Variants in ANO7 observed in about 807,000 individuals in gnomAD.
ANO7 encodes anoctamin-7.
ANO7 carries 114 observed loss-of-function variants against 115.8 expected under a neutral mutation model. That is an observed-to-expected ratio of 0.98 (90% CI 0.85 to 1.15). The LOEUF is 1.15. Ranked by LOEUF, ANO7 falls within the 50% of genes most tolerant of loss-of-function variation. The pLI, the probability that ANO7 is intolerant of heterozygous loss-of-function variation, is 0.00. For missense variants in ANO7, 1,302 were observed against 1,201.2 expected (o/e 1.08, Z -1.24); for synonymous variants, 550 against 498.2 (o/e 1.10, Z -1.38).
At chr2:241,191,091 A>C in intron 2 of ANO7, 103 bp from the exon 3 acceptor site, 1 of 1,272,236 alleles carries the variant, frequency 7.9e-7, no homozygotes, top group Non-Finnish European at 1.1e-6. Context: ...CAGGGCGGGG[A>C]CGGGTTGGAG....
intron 3 of ANO7, among the ~76,000 whole-genome samples, chr2:241,195,430 C>G (rs1301447784): frequency 6.6e-6 from 1 of 152,182 alleles, no homozygotes; most frequent in Admixed American, 6.5e-5. Flanking sequence ...CAGGGATGAG[C>G]ACCATAGCAG....
the ANO7 span, among the ~76,000 whole-genome samples, chr2:241,231,791 T>C: frequency 4.6e-5 from 7 of 151,930 alleles, no homozygotes; most frequent in African/African-American, 7.3e-5. Context: ...GTTCAGGGCA[T>C]AGAGAAGGAA....
intron 21 of ANO7, among the ~76,000 whole-genome samples, chr2:241,222,756 G>C (rs2037655459): frequency 6.6e-6 from 1 of 152,148 alleles, no homozygotes; most frequent in African/African-American, 2.4e-5. Context: ...GCTTATGATA[G>C]GGAGGGAGGG....
intron 19 of ANO7, 187 bp from the exon 20 acceptor site, chr2:241,217,499 A>T: frequency 1.5e-6 from 1 of 646,324 alleles, no homozygotes; most frequent in Non-Finnish European, 2.6e-6. Flanking sequence ...AGCCGGCCTG[A>T]GGCCGGTCAG....
chr2:241,217,483 C>T (rs1242330920), intron 19 of ANO7: 2 of 602,440 alleles, frequency 3.3e-6, no homozygotes, highest in African/African-American at 1.9e-5. Flanking sequence ...GAGCGCAGGG[C>T]AGGACAGCCG....
At chr2:241,236,726 A>G in the ANO7 span, 32 of 1,613,968 alleles carry the variant, frequency 2.0e-5, 1 homozygote, top group South Asian at 3.2e-4. Flanking sequence ...TCCCCTCCCC[A>G]GCTTCGTCCC....
chr2:241,205,083 G>C (rs2068558888), intron 10 of ANO7, 128 bp downstream of exon 10: 1 of 736,468 alleles, frequency 1.4e-6, no homozygotes, highest in Non-Finnish European at 2.3e-6. Flanking sequence ...GGTGTGAGGT[G>C]AGCACATGCC....
chr2:241,218,480 G>A, intron 21 of ANO7, 99 bp downstream of exon 21: 2 of 1,137,766 alleles, frequency 1.8e-6, no homozygotes. Flanking sequence ...AGCCGGGAGG[G>A]GCGGGCGCCG....
Position 241,202,180 on chromosome 2 carries a change from C to T in ANO7, c.613-14C>T. The T allele has an allele frequency of 6.2e-7, 1 of 1,610,610 alleles. No individual in the cohort carries two copies. Among genetic ancestry groups the T allele is most frequent in the South Asian group, 1.1e-5 (1 of 90,994 alleles). ...GTGACAAGTGACCTGCGCCATCCTCCACATCCCCTGCAGCTGTTTGAGATC... is the reference window on the plus strand; with the variant it reads ...GTGACAAGTGACCTGCGCCATCCTCTACATCCCCTGCAGCTGTTTGAGATC... On this transcript the variant is annotated splice_polypyrimidine_tract_variant and intron_variant, in intron 7 of 24. Coordinates refer to ENST00000674324, the MANE Select transcript of ANO7 (RefSeq NM_001370694.2).
the ANO7 span, chr2:241,236,486 G>A: frequency 3.3e-6 from 3 of 911,164 alleles, no homozygotes; most frequent in East Asian, 4.8e-5. Flanking sequence ...CACACGGTAG[G>A]AGCAAGAGGG....
intron 4 of ANO7, among the ~76,000 whole-genome samples, chr2:241,197,840 G>A (rs545860205): frequency 7.8e-4 from 118 of 152,004 alleles, no homozygotes; most frequent in African/African-American, 2.5e-3. Context: ...TAGTAGAGGC[G>A]GGGTTACCCT....
intron 4 of ANO7, among the ~76,000 whole-genome samples, chr2:241,197,026 C>T (rs1361154918): frequency 1.3e-5 from 2 of 152,214 alleles, no homozygotes; most frequent in Admixed American, 6.5e-5. Context: ...CTTCTCAACA[C>T]TTGATACTGC....
chr2:241,202,373 C>G, intron 8 of ANO7, 69 bp downstream of exon 8: 4 of 1,451,866 alleles, frequency 2.8e-6, no homozygotes, highest in Non-Finnish European at 3.8e-6. Flanking sequence ...TGTTGGCCCC[C>G]AGGGAGGCGG....
intron 19 of ANO7, 115 bp from the exon 20 acceptor site, chr2:241,217,571 G>A (rs1344701047): frequency 8.2e-7 from 1 of 1,225,482 alleles, no homozygotes; most frequent in East Asian, 2.6e-5. Context: ...GGGGCGGAAT[G>A]AGCCGCGATG....
At position 241,210,555 on chromosome 2, in the gene ANO7, G is replaced by A. The variant is rs148576854; in HGVS notation, c.1546G>A (p.Val516Ile). 9.3e-6 allele frequency: 15 copies of A among 1,613,532 alleles called. No homozygotes were observed. The highest frequency in any genetic ancestry group is 8.0e-5 in the African/African-American group (6 of 74,922). The change falls in exon 15 of 25, where the codon GTC (valine) becomes ATC (isoleucine). Residue 516 changes from valine (V) to isoleucine (I), a missense_variant. Transcript: ENST00000674324. ...CAAGATCTATGTATCCCTGGCCCAC[G>A]TCCTGACACGATGGGGTGAGTGGGC... Reference protein sequence around the residue: ...LSKIYVSLAHVLTRWEMHRTQ... With the variant: ...LSKIYVSLAHILTRWEMHRTQ...
In ANO7 at chr2:241,218,263, G is replaced by T. The variant is rs371360764; in HGVS notation, c.2203G>T (p.Asp735Tyr). The change falls in exon 21 of 25, where the codon GAC becomes TAC. Residue 735 changes from aspartate to tyrosine, a missense_variant. By Grantham distance (160) the Asp-to-Tyr change is radical. Transcript: ENST00000674324. ...SNAFLLAFSS[D>Y]FLPRAYYRWT... ...GGCCTTCCTCCTGGCCTTCTCGTCC[G>T]ACTTCCTGCCGCGCGCCTACTACCG... 6 of 1,530,864 alleles carry T rather than the reference G, an allele frequency of 3.9e-6. No homozygotes were observed. The highest frequency in any genetic ancestry group is 1.9e-5 in the Admixed American group (1 of 53,026). The allele number at this position is 1,530,864 out of a possible 1,614,324, so 94.8% of individuals were successfully genotyped here. A position where few individuals can be genotyped will look rare whatever the true frequency, so the allele number is the denominator to read the frequency against.
chr2:241,195,867 C>T (rs1358183240), intron 4 of ANO7, 22 bp downstream of exon 4: 1 of 1,614,168 alleles, frequency 6.2e-7, no homozygotes, highest in Admixed American at 1.7e-5. Flanking sequence ...CTGTCATGGG[C>T]AGGGCCCTAG....
intron 7 of ANO7, among the ~76,000 whole-genome samples, 175 bp downstream of exon 7, chr2:241,201,530 C>T (rs1233677025): frequency 2.0e-5 from 3 of 152,218 alleles, no homozygotes; most frequent in Admixed American, 6.5e-5. Context: ...ACAGGGCAGG[C>T]CATGACCTGG....
chr2:241,203,517 C>T lies in ANO7; in HGVS notation c.889+19C>T, dbSNP rs746300909. ...TGGCTCGGTGAGTCCCCCCCGCTGC[C>T]CCCCAGACCACCTGGGCCCCCCCAG... is the stretch of plus-strand genomic sequence containing the variant. On this transcript the variant is annotated intron_variant, in intron 9 of 24. Coordinates refer to ENST00000674324, the MANE Select transcript of ANO7 (RefSeq NM_001370694.2). The surrounding 1 kb of genome is among the most constrained non-coding windows in gnomAD (Gnocchi z 4.8). The T allele has an allele frequency of 6.2e-6, 9 of 1,442,560 alleles. No individual in the cohort carries two copies. The highest frequency in any genetic ancestry group is 1.8e-4 in the Middle Eastern group (1 of 5,426). The allele number at this position is 1,442,560 out of a possible 1,614,324, so 89.4% of individuals were successfully genotyped here.
Sources: gnomAD v4.1 joint callset for allele counts (sites outside exome capture counted in the v4.1 genomes callset) on GRCh38, gnomAD v4.1.1 for gene constraint, Gnocchi (gnomAD v3.1) non-coding constraint, MANE v1.5 for transcripts, NCBI Gene and HGNC (gene_info 2026-07-23, HGNC 2026-07-21) for gene names.